Variants in OCA2 observed in about 807,000 individuals in gnomAD.
OCA2 encodes the protein P protein.
A neutral mutation model predicts 100.2 loss-of-function variants in OCA2; 77 were observed. That is an observed-to-expected ratio of 0.77 (90% confidence interval 0.64 to 0.93). The LOEUF is 0.93. Ranked by LOEUF, OCA2 falls within the 40% of genes least tolerant of loss-of-function variation. The pLI, the probability that OCA2 is intolerant of heterozygous loss-of-function variation, is 0.00. For missense variants in OCA2, 1,062 were observed against 1,089.1 expected (o/e 0.98, Z 0.35); for synonymous variants, 432 against 439.2 (o/e 0.98, Z 0.21).
intron 7 of OCA2, among the ~76,000 whole-genome samples, chr15:28,016,855 C>A (rs546370169): frequency 7.5e-4 from 114 of 152,240 alleles, no homozygotes; most frequent in African/African-American, 2.5e-3. Flanking sequence ...ACTTGGAGAA[C>A]TCTTCTGAGT....
intron 1 of OCA2, among the ~76,000 whole-genome samples, chr15:28,089,323 A>C (rs536879444): frequency 6.6e-6 from 1 of 152,350 alleles, no homozygotes; most frequent in East Asian, 1.9e-4. Context: ...TGATGAGATT[A>C]AGAGATTAAA....
chr15:27,913,932 A>AAGC (rs1567099168), intron 19 of OCA2, among the ~76,000 whole-genome samples: 10 of 141,486 alleles, frequency 7.1e-5, no homozygotes, highest in African/African-American at 1.9e-4. Flanking sequence ...AGCAAGCAAG[A>AAGC]AAGAAAGAAA....
chr15:27,899,379 A>C (rs1294732380), intron 19 of OCA2, among the ~76,000 whole-genome samples: 1 of 152,222 alleles, frequency 6.6e-6, no homozygotes, highest in Non-Finnish European at 1.5e-5. Context: ...GACCCGGAGA[A>C]GGGGAAATTA....
At chr15:27,773,152 C>T (rs1347441843) in intron 23 of OCA2, among the ~76,000 whole-genome samples, 1 of 152,106 alleles carries the variant, frequency 6.6e-6, no homozygotes, top group East Asian at 1.9e-4. Context: ...TTTTAATTCT[C>T]TCAAGTTACT....
chr15:27,851,329 G>A (rs952592128), intron 22 of OCA2, 53 bp downstream of exon 22: 45 of 1,436,962 alleles, frequency 3.1e-5, no homozygotes, highest in Non-Finnish European at 4.2e-5. Flanking sequence ...GCTTTGGGCT[G>A]AACCACAGTG....
intron 23 of OCA2, among the ~76,000 whole-genome samples, chr15:27,778,922 T>C (rs1486959994): frequency 6.6e-6 from 1 of 152,252 alleles, no homozygotes; most frequent in Non-Finnish European, 1.5e-5. Flanking sequence ...CTATGAGCTA[T>C]ATATGCCTCT....
At chr15:28,026,101 G>A (rs56108911) in intron 4 of OCA2, among the ~76,000 whole-genome samples, 7,678 of 152,268 alleles carry the variant, frequency 0.05, 267 homozygotes, top group Middle Eastern at 0.1. Context: ...CTGCAGCAGA[G>A]CTGACAACCC....
At chr15:27,888,898 C>CA (rs2037341136) in intron 19 of OCA2, among the ~76,000 whole-genome samples, 1 of 152,074 alleles carries the variant, frequency 6.6e-6, no homozygotes, top group Admixed American at 6.5e-5. Context: ...TGATACAGAG[C>CA]AAAAATGTAA....
chr15:27,885,756 T>TGAGTA (rs2037196691), intron 19 of OCA2, among the ~76,000 whole-genome samples: 1 of 120,096 alleles, frequency 8.3e-6, no homozygotes. Context: ...CCTTTATTTG[T>TGAGTA]TTGATGTGCT....
intron 4 of OCA2, among the ~76,000 whole-genome samples, chr15:28,025,886 A>G (rs2042733520): frequency 6.6e-6 from 1 of 152,014 alleles, no homozygotes; most frequent in African/African-American, 2.4e-5. Context: ...GTCTTTGAAA[A>G]CCTTCTTTCT....
At chr15:28,018,367 A>C (rs371919518) in intron 7 of OCA2, 30 bp downstream of exon 7, 11 of 1,609,686 alleles carry the variant, frequency 6.8e-6, no homozygotes. Flanking sequence ...GAGATTTCAC[A>C]ATTCCTTTCA....
intron 1 of OCA2, among the ~76,000 whole-genome samples, chr15:28,092,224 G>A (rs2044882080): frequency 6.6e-6 from 1 of 152,176 alleles, no homozygotes; most frequent in Non-Finnish European, 1.5e-5. Context: ...GGCTAGGGGA[G>A]GGGATAGGGT....
intron 19 of OCA2, among the ~76,000 whole-genome samples, chr15:27,905,163 C>CAAAAAAA (rs35906783): frequency 8.7e-6 from 1 of 114,630 alleles, no homozygotes; most frequent in Admixed American, 9.4e-5. Context: ...GACTCCACCT[C>CAAAAAAA]AAAAAAAAAA....
chr15:28,061,517 A>T lies in OCA2; in HGVS notation c.227+20131T>A, dbSNP rs1042029577. Among the ~76,000 whole-genome samples the T allele has an allele frequency of 2.0e-5, 3 of 152,300 alleles. No individual in the cohort carries two copies. In the East Asian group the frequency reaches 5.8e-4, roughly 29 times the overall value. The stretch of plus-strand genomic sequence containing the variant: ...AAAATATACACATGCAAAGACATGT[A>T]TGGTCCATACACAAGAAAAAAAAAT... On this transcript the variant is annotated intron_variant, in intron 2 of 23. Transcript: ENST00000354638.
At chr15:27,843,054 T>TAA (rs150035545) in intron 23 of OCA2, among the ~76,000 whole-genome samples, 28 of 152,124 alleles carry the variant, frequency 1.8e-4, no homozygotes, top group African/African-American at 6.5e-4. Context: ...ACCTTCTTTT[T>TAA]AAAAAAATAC....
At chr15:27,973,977 C>A (rs1420888060) in intron 14 of OCA2, among the ~76,000 whole-genome samples, 2 of 152,020 alleles carry the variant, frequency 1.3e-5, no homozygotes, top group African/African-American at 4.8e-5. Context: ...TGATTTGATT[C>A]TTGGCTTGGT....
At chr15:27,750,400 G>C (rs1459653765), downstream of OCA2, among the ~76,000 whole-genome samples, 1 of 152,134 alleles carries the variant, frequency 6.6e-6, no homozygotes, top group African/African-American at 2.4e-5. Context: ...CACTCACCGG[G>C]AGTTTGAGAT....
Position 27,951,866 on chromosome 15 carries a change from G to A in OCA2, c.1869C>T (p.Leu623=), listed in dbSNP as rs1428201394. The change falls in exon 18 of 24, where the codon CTC becomes CTT. Residue 623 remains leucine, a synonymous_variant. Coordinates refer to ENST00000354638, the MANE Select transcript of OCA2 (RefSeq NM_000275.3). ...ATCCCAACACTGTCAGGCATTTGGC[G>A]AGCAGAATCCCGTCAGATATCCTAT... ...KKHRISDGIL[L]AKCLTVLGFV... 31 of 1,613,458 alleles carry A rather than the reference G, an allele frequency of 1.9e-5. No homozygotes were observed. The highest frequency in any genetic ancestry group is 1.0e-4 in the Admixed American group (6 of 59,986).
intron 23 of OCA2, among the ~76,000 whole-genome samples, chr15:27,800,629 C>T (rs536699866): frequency 6.6e-6 from 1 of 152,188 alleles, no homozygotes; most frequent in South Asian, 2.1e-4. Context: ...TATCAAAGTT[C>T]ACCCAAGAAT....
Sources: gnomAD v4.1 joint callset for allele counts (sites outside exome capture counted in the v4.1 genomes callset) on GRCh38, gnomAD v4.1.1 for gene constraint, MANE v1.5 for transcripts, NCBI Gene and HGNC (gene_info 2026-07-23, HGNC 2026-07-21) for gene names.